COMMD7: variants seen among roughly 807,000 people sequenced by gnomAD.
COMMD7 encodes the protein COMM domain containing 7.
COMMD7 carries 28 observed loss-of-function variants against 34.8 expected under a neutral mutation model. That is an observed-to-expected ratio of 0.80 (90% CI 0.60 to 1.10). The LOEUF is 1.10. Ranked by LOEUF, COMMD7 falls within the 50% of genes least tolerant of loss-of-function variation. The probability of loss-of-function intolerance (pLI) is 0.00; values close to 1 mark genes in which losing one functional copy is unlikely to be tolerated. For synonymous variants in COMMD7, 80 were observed against 86.4 expected (o/e 0.93, Z 0.41); for missense variants, 211 against 241.6 (o/e 0.87, Z 0.84).
chr20:32,722,592 T>C (rs977879259), intron 3 of COMMD7, among the ~76,000 whole-genome samples: 14 of 151,662 alleles, frequency 9.2e-5, no homozygotes, highest in African/African-American at 3.4e-4. Context: ...GGCATGGTGG[T>C]GGGCGCCTGC....
intron 1 of COMMD7, among the ~76,000 whole-genome samples, chr20:32,735,247 T>G (rs890224552): frequency 2.6e-5 from 4 of 151,974 alleles, no homozygotes; most frequent in Non-Finnish European, 4.4e-5. Flanking sequence ...AAAAAAATTT[T>G]TTTTTAAAGG....
At chr20:32,707,600 G>T (rs1051292491) in intron 3 of COMMD7, among the ~76,000 whole-genome samples, 2 of 151,872 alleles carry the variant, frequency 1.3e-5, no homozygotes, top group African/African-American at 4.8e-5. Context: ...GATTAAAGGG[G>T]TGAGAGCCAC....
At chr20:32,706,424 A>G (rs1480667785) in intron 5 of COMMD7, among the ~76,000 whole-genome samples, 159 bp downstream of exon 5, 1 of 151,854 alleles carries the variant, frequency 6.6e-6, no homozygotes, top group African/African-American at 2.4e-5. Flanking sequence ...GAGGCAGAAG[A>G]ATCACTTGAA....
chr20:32,738,240 C>T (rs1986251102), intron 1 of COMMD7, among the ~76,000 whole-genome samples: 1 of 152,170 alleles, frequency 6.6e-6, no homozygotes, highest in Admixed American at 6.5e-5. Context: ...ATTCTCCTGC[C>T]TCAGCCACTT....
intron 1 of COMMD7, among the ~76,000 whole-genome samples, chr20:32,730,050 A>C (rs565816758): frequency 6.6e-6 from 1 of 152,242 alleles, no homozygotes; most frequent in African/African-American, 2.4e-5. Context: ...TGTTGGAGCC[A>C]ACCAGTCTAT....
rs766467387 is a variant in COMMD7, at chr20:32,728,095, T to C, written c.132A>G (p.Pro44=). The part of the protein sequence containing the change: ...TEVLFHFLTE[P]KEVERFLAQL... ...CACAGAATGTTTTATTTACCTCTTT[T>C]GGCTCAGTTAGGAAGTGGAAAAGCA... The change falls in exon 2 of 9, where the codon CCA becomes CCG. Residue 44 remains proline, a synonymous_variant. Coordinates refer to ENST00000278980, the MANE Select transcript of COMMD7 (RefSeq NM_053041.3). The C allele has an allele frequency of 6.2e-7, 1 of 1,614,098 alleles. No individual in the cohort carries two copies. Among genetic ancestry groups the C allele is most frequent in the South Asian group, 1.1e-5 (1 of 91,078 alleles).
At chr20:32,712,986 C>T (rs1473602443) in intron 3 of COMMD7, among the ~76,000 whole-genome samples, 3 of 151,792 alleles carry the variant, frequency 2.0e-5, no homozygotes, top group Non-Finnish European at 4.4e-5. Context: ...CCTGCCTTGG[C>T]TTCCCAAAGT....
At chr20:32,712,710 T>G (rs2145725160) in intron 3 of COMMD7, among the ~76,000 whole-genome samples, 1 of 145,264 alleles carries the variant, frequency 6.9e-6, no homozygotes, top group East Asian at 2.0e-4. Flanking sequence ...CAAACACAGA[T>G]AACTTTGAGA....
At chr20:32,716,852 T>C (rs1332857923) in intron 3 of COMMD7, among the ~76,000 whole-genome samples, 2 of 142,536 alleles carry the variant, frequency 1.4e-5, no homozygotes, top group Admixed American at 1.4e-4. Flanking sequence ...TGGCCATGGG[T>C]TAGTAACTTT....
At chr20:32,718,381 G>A (rs1269271511) in intron 3 of COMMD7, among the ~76,000 whole-genome samples, 1 of 150,400 alleles carries the variant, frequency 6.6e-6, no homozygotes, top group African/African-American at 2.5e-5. Context: ...TCCAGCCTGG[G>A]CTACAGAGCG....
rs1985606878 is a variant in COMMD7, at chr20:32,727,892, C to A, written c.241+1G>T. On this transcript the variant is annotated splice_donor_variant, in intron 3 of 8. Transcript: ENST00000278980. LOFTEE classifies it high-confidence loss of function. ...CACAGCTGCTAAGAGAGGTTACTCA[C>A]CATTTGGAACCAGAAGGAGGCTTTT... is the stretch of plus-strand genomic sequence containing the variant. The A allele has an allele frequency of 6.2e-7, 1 of 1,607,410 alleles. No individual in the cohort carries two copies. The highest frequency in any genetic ancestry group is 1.3e-5 in the African/African-American group (1 of 74,866).
Position 32,704,064 on chromosome 20 carries a change from A to G in COMMD7, c.485T>C (p.Leu162Ser). 1 of 1,596,376 alleles carries G rather than the reference A, an allele frequency of 6.3e-7. No homozygotes were observed. The stretch of plus-strand genomic sequence containing the variant: ...GGTTTGATTTCCTTTCTTAACCACC[A>G]ACTTTAGCTGATGAAAGAAAAAGAA... ...KVGSIFLQLK[L>S]VVKKGNQTEN... Residue 162 changes from leucine to serine, a missense_variant, in exon 8 of 9, where the codon TTG (leucine) becomes TCG (serine). Physicochemically the swap from Leu to Ser is moderately radical, Grantham distance 145. Coordinates refer to ENST00000278980, the MANE Select transcript of COMMD7 (RefSeq NM_053041.3).
intron 7 of COMMD7, 29 bp downstream of exon 7, chr20:32,704,411 C>A: frequency 6.3e-7 from 1 of 1,591,134 alleles, no homozygotes; most frequent in Non-Finnish European, 8.5e-7. Context: ...AAAAATCTAC[C>A]CATTTTCAAG....
chr20:32,731,104 A>T (rs1351028036), intron 1 of COMMD7, among the ~76,000 whole-genome samples: 6 of 152,082 alleles, frequency 3.9e-5, no homozygotes, highest in African/African-American at 1.4e-4. Flanking sequence ...GGCCAAAGTG[A>T]GAGGATTGCT....
At chr20:32,735,093 C>T (rs1986062966) in intron 1 of COMMD7, among the ~76,000 whole-genome samples, 1 of 149,334 alleles carries the variant, frequency 6.7e-6, no homozygotes, top group East Asian at 2.0e-4. Flanking sequence ...AAAAAATTAG[C>T]TGGGCATAAT....
intron 3 of COMMD7, among the ~76,000 whole-genome samples, chr20:32,717,704 C>T (rs968446370): frequency 6.6e-6 from 1 of 152,010 alleles, no homozygotes; most frequent in East Asian, 1.9e-4. Context: ...TCAAGAGATT[C>T]TCCCCCTTTG....
At chr20:32,710,899 C>A (rs1984398273) in intron 3 of COMMD7, among the ~76,000 whole-genome samples, 1 of 151,662 alleles carries the variant, frequency 6.6e-6, no homozygotes, top group Non-Finnish European at 1.5e-5. Flanking sequence ...GGCATCATAG[C>A]AAAACCCTGC....
chr20:32,739,644 CAAAAAAA>C (rs1176056154), intron 1 of COMMD7, among the ~76,000 whole-genome samples: 1 of 56,018 alleles, frequency 1.8e-5, no homozygotes, highest in Non-Finnish European at 3.3e-5. Flanking sequence ...GGCTCTGTAT[CAAAAAAA>C]AAAAAAAAAA....
intron 3 of COMMD7, among the ~76,000 whole-genome samples, chr20:32,725,774 G>A (rs1325913048): frequency 6.6e-6 from 1 of 152,020 alleles, no homozygotes; most frequent in Non-Finnish European, 1.5e-5. Context: ...TATTCCTGCT[G>A]GTGAAATGGC....
Sources: allele counts gnomAD v4.1 joint callset (sites outside exome capture counted in the v4.1 genomes callset), GRCh38; gene constraint gnomAD v4.1.1; transcripts MANE v1.5; gene names NCBI Gene and HGNC (gene_info 2026-07-23, HGNC 2026-07-21).